Variants in ULK4 observed in about 807,000 individuals in gnomAD.
ULK4 encodes the protein unc-51 like kinase 4, also known as inactive serine/threonine-protein kinase ULK4.
Under a neutral mutation model 160.6 loss-of-function variants are expected in ULK4, and 133 were observed. The observed-to-expected ratio is 0.83, with a 90% CI of 0.72 to 0.96. The LOEUF (loss-of-function observed/expected upper bound fraction) is 0.96. Ranked by LOEUF, ULK4 falls within the 40% of genes least tolerant of loss-of-function variation. The pLI is 0.00. For missense variants in ULK4, 1,580 were observed against 1,499.5 expected (o/e 1.05, Z -0.89); for synonymous variants, 534 against 539.8 (o/e 0.99, Z 0.15).
chr3:41,306,092 G>A (rs1475274602), intron 35 of ULK4, among the ~76,000 whole-genome samples: 6 of 146,392 alleles, frequency 4.1e-5, no homozygotes, highest in African/African-American at 1.3e-4. Flanking sequence ...AGTGAGGAGC[G>A]TCTCCGCCCG....
At chr3:41,888,963 C>T (rs1005774980) in intron 16 of ULK4, among the ~76,000 whole-genome samples, 5 of 152,182 alleles carry the variant, frequency 3.3e-5, no homozygotes, top group African/African-American at 1.2e-4. Context: ...GAGACTTAGG[C>T]AAGCATAAAG....
chr3:41,607,855 A>T (rs887995907), intron 31 of ULK4, among the ~76,000 whole-genome samples: 2 of 152,196 alleles, frequency 1.3e-5, no homozygotes, highest in African/African-American at 4.8e-5. Context: ...CACTGCTGCT[A>T]TGGACATTAT....
At chr3:41,668,615 T>A (rs1326543283) in intron 29 of ULK4, among the ~76,000 whole-genome samples, 1 of 152,150 alleles carries the variant, frequency 6.6e-6, no homozygotes, top group East Asian at 1.9e-4. Flanking sequence ...TGCCTAATGA[T>A]GCATTTCTCA....
At chr3:41,729,778 T>G (rs1229402335) in intron 22 of ULK4, among the ~76,000 whole-genome samples, 2 of 152,164 alleles carry the variant, frequency 1.3e-5, no homozygotes, top group East Asian at 3.9e-4. Flanking sequence ...GGCAGAACAG[T>G]TGCACAAACT....
At chr3:41,889,228 TATTTA>T (rs1049815821) in intron 16 of ULK4, among the ~76,000 whole-genome samples, 2 of 152,148 alleles carry the variant, frequency 1.3e-5, no homozygotes, top group African/African-American at 4.8e-5. Flanking sequence ...TTAATAACAA[TATTTA>T]ATTCTAAATT....
At chr3:41,380,066 C>A (rs1433688732) in intron 35 of ULK4, among the ~76,000 whole-genome samples, 1 of 152,026 alleles carries the variant, frequency 6.6e-6, no homozygotes, top group African/African-American at 2.4e-5. Context: ...TGTGAGATTT[C>A]ATAAAATCAG....
rs1317897753 is a variant in ULK4, at chr3:41,727,759, T to C, written c.2322-9898A>G. The stretch of plus-strand genomic sequence containing the variant: ...GGTTAAAAAAAAACAGCATTCTGGA[T>C]CCTGTGAGGAAGACAGACTATGGAA... On this transcript the variant is annotated intron_variant, in intron 22 of 36. Transcript: ENST00000301831. Among the ~76,000 whole-genome samples the C allele has an allele frequency of 2.0e-5, 3 of 152,014 alleles. 1 individual carries two copies. The South Asian group carries it at 6.2e-4, about 32-fold the overall frequency.
At chr3:41,955,189 C>T (rs1700440581) in intron 1 of ULK4, among the ~76,000 whole-genome samples, 1 of 152,190 alleles carries the variant, frequency 6.6e-6, no homozygotes, top group Non-Finnish European at 1.5e-5. Context: ...ACGCGGGAGG[C>T]TGAGGCAGGG....
intron 30 of ULK4, among the ~76,000 whole-genome samples, chr3:41,616,809 G>A (rs1351304136): frequency 6.6e-6 from 1 of 152,182 alleles, no homozygotes; most frequent in Non-Finnish European, 1.5e-5. Context: ...AGGGAAGGGG[G>A]CTGAAGCCAG....
At chr3:41,490,518 C>G (rs919797965) in intron 32 of ULK4, among the ~76,000 whole-genome samples, 5 of 152,196 alleles carry the variant, frequency 3.3e-5, no homozygotes, top group African/African-American at 4.8e-5. Context: ...CCACTCACTA[C>G]TTTCTTCTTT....
At chr3:41,435,809 T>C (rs1472669429) in intron 34 of ULK4, among the ~76,000 whole-genome samples, 1 of 152,078 alleles carries the variant, frequency 6.6e-6, no homozygotes, top group African/African-American at 2.4e-5. Context: ...TAGCTGGGCA[T>C]GGTGGCAGGT....
At chr3:41,261,400 A>T (rs1357582495) in intron 35 of ULK4, among the ~76,000 whole-genome samples, 1 of 152,188 alleles carries the variant, frequency 6.6e-6, no homozygotes. Flanking sequence ...TCAGCTAGCC[A>T]GCAAGCAGTG....
At chr3:41,263,693 G>C (rs1025618204) in intron 35 of ULK4, among the ~76,000 whole-genome samples, 2 of 152,202 alleles carry the variant, frequency 1.3e-5, no homozygotes, top group African/African-American at 4.8e-5. Context: ...AGTGTCGTAA[G>C]AAAGTGCCAC....
intron 18 of ULK4, among the ~76,000 whole-genome samples, chr3:41,822,227 C>T (rs567719335): frequency 6.6e-6 from 1 of 152,256 alleles, no homozygotes; most frequent in South Asian, 2.1e-4. Flanking sequence ...CTGCCTCCTT[C>T]CTCACTTCTC....
intron 22 of ULK4, among the ~76,000 whole-genome samples, chr3:41,733,725 AT>A (rs778572755): frequency 0.016 from 1,483 of 93,354 alleles, 18 homozygotes; most frequent in African/African-American, 0.083. Context: ...TAAACACATG[AT>A]TTTTTTTTTT....
chr3:41,912,745 A>G, intron 9 of ULK4, 62 bp downstream of exon 9: 1 of 1,399,792 alleles, frequency 7.1e-7, no homozygotes, highest in Admixed American at 1.9e-5. Context: ...GTATATTTAG[A>G]ACAGTAATGG....
At chr3:41,798,168 A>C (rs1347842937) in intron 20 of ULK4, among the ~76,000 whole-genome samples, 4 of 148,714 alleles carry the variant, frequency 2.7e-5, no homozygotes, top group Non-Finnish European at 6.0e-5. Flanking sequence ...GGTGGGAACT[A>C]TTGAAAAAAA....
chr3:41,519,251 T>G (rs1185489524), intron 32 of ULK4, among the ~76,000 whole-genome samples: 1 of 152,118 alleles, frequency 6.6e-6, no homozygotes, highest in Non-Finnish European at 1.5e-5. Flanking sequence ...TTGGAGCTTG[T>G]CACAGCAAGC....
rs879259500 is a variant in ULK4 at position 41,614,140 on chromosome 3, C to T, written c.3120+1529G>A. The stretch of plus-strand genomic sequence containing the variant: ...AGATTTTAGACCTTGAGATGATTGC[C>T]GAAGATAAGGTAAGAACTTTCTGTC... On this transcript the variant is annotated intron_variant, in intron 31 of 36. Coordinates refer to ENST00000301831, the MANE Select transcript of ULK4 (RefSeq NM_017886.4). Among the ~76,000 whole-genome samples, 7 of 152,034 alleles carry T rather than the reference C, an allele frequency of 4.6e-5. 1 individual carries two copies. The highest frequency in any genetic ancestry group is 4.2e-4 in the South Asian group (2 of 4,818).
Sources: allele counts gnomAD v4.1 joint callset (sites outside exome capture counted in the v4.1 genomes callset), GRCh38; gene constraint gnomAD v4.1.1; transcripts MANE v1.5; gene names NCBI Gene and HGNC (gene_info 2026-07-23, HGNC 2026-07-21).